ERC1: variants seen among roughly 807,000 people sequenced by gnomAD.
ERC1 encodes RAB6 interacting protein 2.
Under a neutral mutation model 132.0 loss-of-function variants are expected in ERC1, and 56 were observed. The ratio of observed to expected loss-of-function variants is 0.42; its 90% CI spans 0.34 to 0.53. The LOEUF is 0.53. ERC1 is among the 20% of genes least tolerant of loss of function. The probability of loss-of-function intolerance (pLI) is 0.03; values close to 1 mark genes in which losing one functional copy is unlikely to be tolerated. For missense variants in ERC1, 1,202 were observed against 1,349.9 expected (o/e 0.89, Z 1.72); for synonymous variants, 478 against 476.1 (o/e 1.00, Z -0.05).
At chr12:1,178,602 A>G (rs1039776762) in intron 8 of ERC1, among the ~76,000 whole-genome samples, 6 of 152,178 alleles carry the variant, frequency 3.9e-5, no homozygotes, top group African/African-American at 1.4e-4. Flanking sequence ...GGTACAGACA[A>G]TGATCAGGTT....
chr12:1,417,080 C>A (rs905641541), intron 17 of ERC1, among the ~76,000 whole-genome samples: 7 of 152,128 alleles, frequency 4.6e-5, no homozygotes, highest in Admixed American at 1.3e-4. Context: ...AATAGTGTTT[C>A]CTCTATATGC....
At chr12:1,030,653 C>T (rs958533281) in intron 2 of ERC1, among the ~76,000 whole-genome samples, 27 of 151,994 alleles carry the variant, frequency 1.8e-4, no homozygotes, top group African/African-American at 4.1e-4. Flanking sequence ...CCTGGGAGGT[C>T]GAGGCCACAG....
chr12:1,103,768 GC>G (rs1295168610), intron 3 of ERC1, among the ~76,000 whole-genome samples: 1 of 152,092 alleles, frequency 6.6e-6, no homozygotes, highest in Non-Finnish European at 1.5e-5. Flanking sequence ...GAACCCCTGG[GC>G]CAAAGTGACC....
Position 1,491,819 on chromosome 12 carries a change from G to A in ERC1, c.*1589G>A, listed in dbSNP as rs571390794. The A allele has an allele frequency of 7.3e-5, 17 of 232,300 alleles. No individual in the cohort carries two copies. Among genetic ancestry groups the A allele is most frequent in the African/African-American group, 2.0e-4 (9 of 45,396 alleles). 14.4% of individuals were successfully genotyped at this position (232,300 alleles called of 1,614,324 possible). ...GTATTGGCATTGTTAAGGACGTAGC[G>A]TAGACAACAGCAGTCATAAATAATT... On this transcript the variant is annotated 3_prime_UTR_variant, in exon 19 of 19. Coordinates refer to ENST00000360905, the MANE Select transcript of ERC1 (RefSeq NM_178040.4).
At chr12:1,288,175 G>T (rs1243214788) in intron 14 of ERC1, among the ~76,000 whole-genome samples, 2 of 152,140 alleles carry the variant, frequency 1.3e-5, no homozygotes, top group African/African-American at 2.4e-5. Context: ...AATTTTACAT[G>T]AATTAAACTG....
chr12:1,372,914 A>G (rs2087417142), intron 16 of ERC1, among the ~76,000 whole-genome samples: 1 of 152,246 alleles, frequency 6.6e-6, no homozygotes, highest in African/African-American at 2.4e-5. Context: ...ACAAGAATCA[A>G]TATTTAAACA....
At chr12:1,484,076 C>CGGGCG (rs2094151048) in intron 18 of ERC1, among the ~76,000 whole-genome samples, 1 of 150,908 alleles carries the variant, frequency 6.6e-6, no homozygotes, top group African/African-American at 2.4e-5. Flanking sequence ...GAGGCTGAGG[C>CGGGCG]GGGCGGATCA....
chr12:1,342,192 C>T (rs183682113), intron 15 of ERC1, among the ~76,000 whole-genome samples: 39 of 152,002 alleles, frequency 2.6e-4, no homozygotes, highest in African/African-American at 8.9e-4. Flanking sequence ...GGGCCGGGTG[C>T]GGTGGCTCAC....
chr12:1,166,929 A>G (rs575983294), intron 8 of ERC1, among the ~76,000 whole-genome samples: 95 of 152,356 alleles, frequency 6.2e-4, no homozygotes, highest in African/African-American at 2.2e-3. Context: ...TTTTTACATC[A>G]TGGAAATAAT....
intron 8 of ERC1, among the ~76,000 whole-genome samples, chr12:1,154,231 A>ATGTGTG (rs1274336672): frequency 4.0e-5 from 3 of 75,920 alleles, no homozygotes; most frequent in Non-Finnish European, 8.4e-5. Flanking sequence ...ATGTATATGT[A>ATGTGTG]TATGTATATG....
chr12:1,442,963 A>AC (rs1382630046), intron 17 of ERC1, among the ~76,000 whole-genome samples: 2 of 151,978 alleles, frequency 1.3e-5, no homozygotes, highest in Non-Finnish European at 1.5e-5. Flanking sequence ...GCTGGAGTGC[A>AC]GTGGTGTGAT....
chr12:1,284,726 A>C (rs1057184458), intron 14 of ERC1, among the ~76,000 whole-genome samples: 6 of 152,122 alleles, frequency 3.9e-5, no homozygotes, highest in Admixed American at 1.3e-4. Context: ...GCTGGAGCGC[A>C]GTGGTGTGAT....
chr12:1,284,793 G>A (rs1161724978), intron 14 of ERC1, among the ~76,000 whole-genome samples: 1 of 152,088 alleles, frequency 6.6e-6, no homozygotes, highest in Non-Finnish European at 1.5e-5. Context: ...GAATGGCCGA[G>A]ACTACAGGTG....
At chr12:1,297,246 G>T (rs1400039275) in intron 15 of ERC1, among the ~76,000 whole-genome samples, 1 of 148,242 alleles carries the variant, frequency 6.7e-6, no homozygotes, top group Non-Finnish European at 1.5e-5. Flanking sequence ...CAAAGAAAAA[G>T]ATCCTTTAAA....
chr12:1,076,897 T>C (rs537158307), intron 2 of ERC1, among the ~76,000 whole-genome samples: 1 of 152,154 alleles, frequency 6.6e-6, no homozygotes, highest in African/African-American at 2.4e-5. Context: ...ATACAAAGAA[T>C]TAAATTGCAG....
intron 17 of ERC1, among the ~76,000 whole-genome samples, chr12:1,438,954 A>AAAAAAAAAAATATATATATATATATATAT (rs1015181197): frequency 7.0e-6 from 1 of 143,492 alleles, no homozygotes; most frequent in African/African-American, 2.6e-5. Flanking sequence ...TTTAAAAAAA[A>AAAAAAAAAAATATATATATATATATATAT]ATATATATAT....
At chr12:1,342,384 T>C (rs1485537385) in intron 15 of ERC1, among the ~76,000 whole-genome samples, 3 of 151,384 alleles carry the variant, frequency 2.0e-5, no homozygotes, top group Non-Finnish European at 2.9e-5. Flanking sequence ...GGAGAATCGC[T>C]TGAACCTGGG....
chr12:1,413,351 T>C (rs1452824991), intron 17 of ERC1, among the ~76,000 whole-genome samples: 2 of 152,070 alleles, frequency 1.3e-5, no homozygotes, highest in Non-Finnish European at 2.9e-5. Flanking sequence ...CCCAGCACTT[T>C]GGGAGGCCGA....
At chr12:1,193,471 T>A (rs566969542) in intron 12 of ERC1, among the ~76,000 whole-genome samples, 1 of 151,928 alleles carries the variant, frequency 6.6e-6, no homozygotes, top group African/African-American at 2.4e-5. Flanking sequence ...GATAGATAAA[T>A]ACATATATAC....
Sources: gnomAD v4.1 joint callset for allele counts (sites outside exome capture counted in the v4.1 genomes callset) on GRCh38, gnomAD v4.1.1 for gene constraint, MANE v1.5 for transcripts, NCBI Gene and HGNC (gene_info 2026-07-23, HGNC 2026-07-21) for gene names.